The following ZNF229 variants were observed in gnomAD, a reference collection of about 807,000 sequenced individuals.
ZNF229 encodes zinc finger protein 229.
In ZNF229, 10 loss-of-function variants were observed where a neutral mutation model predicts 11.8. That is an observed-to-expected ratio of 0.85 (90% CI 0.52 to 1.44). The LOEUF (loss-of-function observed/expected upper bound fraction) is 1.44. ZNF229 is among the 40% of genes most tolerant of loss of function. The pLI, the probability that ZNF229 is intolerant of heterozygous loss-of-function variation, is 0.00. For missense variants in ZNF229, 1,045 were observed against 1,015.1 expected (o/e 1.03, Z -0.40); for synonymous variants, 368 against 374.8 (o/e 0.98, Z 0.21).
chr19:44,444,196 A>C (rs1971965623), intron 2 of ZNF229, among the ~76,000 whole-genome samples: 1 of 152,190 alleles, frequency 6.6e-6, no homozygotes, highest in Non-Finnish European at 1.5e-5. Context: ...GGTAGTGCAA[A>C]GACAGTGGAC....
Position 44,442,571 on chromosome 19 carries a change from T to A in ZNF229, c.85A>T (p.Met29Leu). 6.2e-7 allele frequency: 1 copy of A among 1,614,050 alleles called. No homozygotes were observed. The highest frequency in any genetic ancestry group is 8.5e-7 in the Non-Finnish European group (1 of 1,179,998). ...AISQDREEKI[M>L]SQEPLSFKDV... ...AAAAGAAAACAACCCACCTGAGACA[T>A]GATCTTCTCCTCCCTATCTTGGGAA... Residue 29 changes from methionine (M) to leucine (L), a missense_variant, in exon 4 of 6, where the codon ATG (methionine) becomes TTG (leucine). Coordinates refer to ENST00000614049, the MANE Select transcript of ZNF229 (RefSeq NM_014518.4).
intron 4 of ZNF229, among the ~76,000 whole-genome samples, chr19:44,433,436 T>C (rs1971759190): frequency 6.6e-6 from 1 of 152,048 alleles, no homozygotes; most frequent in Admixed American, 6.6e-5. Flanking sequence ...TACTAGGAAG[T>C]GGGGGTGGGA....
chr19:44,428,252 T>C lies in ZNF229; in HGVS notation c.*51A>G, dbSNP rs749562424. 2 of 1,533,730 alleles carry C rather than the reference T, an allele frequency of 1.3e-6. No individual in the cohort carries two copies. Among genetic ancestry groups the C allele is most frequent in the South Asian group, 2.6e-5 (2 of 77,640 alleles). On this transcript the variant is annotated 3_prime_UTR_variant, in exon 6 of 6. Coordinates refer to ENST00000614049, the MANE Select transcript of ZNF229 (RefSeq NM_014518.4). Reference sequence around the variant, plus strand: ...CCTATGGTTTTTCTCCTGTGTTGGCTCTCAGATGGATAGAAAGCTCTGAGT... The same window carrying C: ...CCTATGGTTTTTCTCCTGTGTTGGCCCTCAGATGGATAGAAAGCTCTGAGT...
At position 44,429,970 on chromosome 19, in the gene ZNF229, T is replaced by G. The variant is rs761411722; in HGVS notation, c.811A>C (p.Arg271=). ...TCTGCATCGTCCCTGAAGCCATTTCTGTATTCGTTACTTTTCAAGCCATTC... is the reference window on the plus strand; with the variant it reads ...TCTGCATCGTCCCTGAAGCCATTTCGGTATTCGTTACTTTTCAAGCCATTC... ...GENGLKSNEY[R]NGFRDDADLP... Residue 271 remains arginine (R), a synonymous_variant, in exon 6 of 6, where the codon AGA becomes CGA. Transcript: ENST00000614049. 6.2e-7 allele frequency: 1 copy of G among 1,613,874 alleles called. No individual in the cohort carries two copies. Among genetic ancestry groups the G allele is most frequent in the South Asian group, 1.1e-5 (1 of 91,084 alleles).
At chr19:44,440,164 G>A (rs958495833) in intron 4 of ZNF229, among the ~76,000 whole-genome samples, 5 of 151,894 alleles carry the variant, frequency 3.3e-5, no homozygotes, top group Non-Finnish European at 5.9e-5. Context: ...AAAAAAAATC[G>A]CAGCTAGGAT....
At chr19:44,439,557 C>T (rs1288018972) in intron 4 of ZNF229, among the ~76,000 whole-genome samples, 3 of 152,134 alleles carry the variant, frequency 2.0e-5, no homozygotes, top group Non-Finnish European at 4.4e-5. Flanking sequence ...GATTCTTCTG[C>T]CTTAGCCTCC....
At chr19:44,444,520 G>A (rs1312360485) in intron 2 of ZNF229, among the ~76,000 whole-genome samples, 2 of 152,192 alleles carry the variant, frequency 1.3e-5, no homozygotes, top group Non-Finnish European at 2.9e-5. Flanking sequence ...ACAAAGGGAA[G>A]AGTAGAGGCC....
intron 2 of ZNF229, 44 bp downstream of exon 2, chr19:44,447,469 A>G (rs1196870309): frequency 6.6e-6 from 1 of 152,228 alleles, no homozygotes; most frequent in Admixed American, 6.5e-5. Flanking sequence ...TGAGGTCACC[A>G]AGAGACCTGG....
At position 44,429,345 on chromosome 19, in the gene ZNF229, T is replaced by A; in HGVS notation, c.1436A>T (p.His479Leu). ...CCTCTCGCCGGTGTGTGTCTTCTGA[T>A]GACTGCTGAGGTGGGAGCTGCAGCT... ...GFSCSSHLSS[H>L]QKTHTGERPY... Residue 479 changes from histidine to leucine, a missense_variant, in exon 6 of 6, where the codon CAT becomes CTT. By Grantham distance (99) the His-to-Leu change is moderately conservative (BLOSUM62 -3). Transcript: ENST00000614049. 6.2e-7 allele frequency: 1 copy of A among 1,614,128 alleles called. No homozygotes were observed.
Position 44,428,389 on chromosome 19 carries a change from A to C in ZNF229, c.2392T>G (p.Cys798Gly), listed in dbSNP as rs1384507475. 4 of 1,613,946 alleles carry C rather than the reference A, an allele frequency of 2.5e-6. No individual in the cohort carries two copies. Among genetic ancestry groups the C allele is most frequent in the Non-Finnish European group, 3.4e-6 (4 of 1,180,020 alleles). ...CTGAAGCCTTTCCCACACACACCAC[A>C]CGTATAGGGCTTCTCTCCAGTGTGG... ...RVHTGEKPYT[C>G]GVCGKGFSYT... The change falls in exon 6 of 6, where the codon TGT becomes GGT. Residue 798 changes from cysteine (C) to glycine (G), a missense_variant. Cys to Gly is a radical substitution (Grantham distance 159). Coordinates refer to ENST00000614049, the MANE Select transcript of ZNF229 (RefSeq NM_014518.4).
Position 44,434,349 on chromosome 19 carries a change from C to G in ZNF229, c.94-1983G>C, listed in dbSNP as rs548866843. ...CACAGCCCCTCTTCCCTTCCACACT[C>G]TTTTTAAGGGACTTCCATGTCAACA... On this transcript the variant is annotated intron_variant, in intron 4 of 5. Transcript: ENST00000614049. Among the ~76,000 whole-genome samples the G allele has an allele frequency of 3.7e-4, 57 of 152,262 alleles. 1 individual carries two copies. The highest frequency in any genetic ancestry group is 1.3e-3 in the African/African-American group (55 of 41,516).
intron 4 of ZNF229, among the ~76,000 whole-genome samples, 185 bp from the exon 5 acceptor site, chr19:44,432,551 A>G (rs1971743385): frequency 6.6e-6 from 1 of 152,068 alleles, no homozygotes; most frequent in African/African-American, 2.4e-5. Context: ...GACATGGATG[A>G]AGCTGGAAAC....
chr19:44,434,765 T>C (rs1182781057), intron 4 of ZNF229, among the ~76,000 whole-genome samples: 3 of 152,172 alleles, frequency 2.0e-5, no homozygotes, highest in African/African-American at 7.2e-5. Flanking sequence ...CATGCATATA[T>C]TTTTGATACG....
intron 4 of ZNF229, 97 bp downstream of exon 4, chr19:44,442,466 T>A (rs1971928894): frequency 8.1e-7 from 1 of 1,236,228 alleles, no homozygotes; most frequent in Non-Finnish European, 1.2e-6. Context: ...ATTCACCCAA[T>A]ACATTTTTCG....
chr19:44,428,276 G>A lies in ZNF229; in HGVS notation c.*27C>T, dbSNP rs1457366181. The A allele has an allele frequency of 2.6e-6, 4 of 1,565,528 alleles. No individual in the cohort carries two copies. Among genetic ancestry groups the A allele is most frequent in the Non-Finnish European group, 3.5e-6 (4 of 1,153,704 alleles). On this transcript the variant is annotated 3_prime_UTR_variant, in exon 6 of 6. Coordinates refer to ENST00000614049, the MANE Select transcript of ZNF229 (RefSeq NM_014518.4). ...CTCTCAGATGGATAGAAAGCTCTGA[G>A]TCCCAGATGGAATCCTCTATGTACA...
chr19:44,439,277 C>T lies in ZNF229; in HGVS notation c.93+3286G>A, dbSNP rs142364339. On this transcript the variant is annotated intron_variant, in intron 4 of 5. Transcript: ENST00000614049. ...TAGCTTTTTCCACACTAAGTATACC[C>T]CTTTGGGCCAGCAATATTCAGACAT... Among the ~76,000 whole-genome samples the T allele has an allele frequency of 2.6e-3, 398 of 152,202 alleles. 2 individuals carry two copies. Among genetic ancestry groups the T allele is most frequent in the Middle Eastern group, 0.024 (7 of 294 alleles).
intron 4 of ZNF229, 109 bp downstream of exon 4, chr19:44,442,454 G>A (rs567331005): frequency 1.8e-6 from 2 of 1,082,824 alleles, no homozygotes; most frequent in South Asian, 1.4e-5. Context: ...AACGAGAAAT[G>A]TATTCACCCA....
intron 3 of ZNF229, 23 bp from the exon 4 acceptor site, chr19:44,442,644 T>C (rs771590243): frequency 6.2e-7 from 1 of 1,613,782 alleles, no homozygotes; most frequent in Non-Finnish European, 8.5e-7. Context: ...AAAGAGGCCA[T>C]GAGGAGGAGT....
chr19:44,438,105 C>T (rs547727857), intron 4 of ZNF229, among the ~76,000 whole-genome samples: 1 of 152,178 alleles, frequency 6.6e-6, no homozygotes, highest in African/African-American at 2.4e-5. Flanking sequence ...TGCCTATGTA[C>T]CCTGAACCTA....
Sources: allele counts gnomAD v4.1 joint callset (sites outside exome capture counted in the v4.1 genomes callset), GRCh38; gene constraint gnomAD v4.1.1; transcripts MANE v1.5; gene names NCBI Gene and HGNC (gene_info 2026-07-23, HGNC 2026-07-21).